The following TRPC7 variants were observed in gnomAD, a reference collection of about 807,000 sequenced individuals.
TRPC7 encodes short transient receptor potential channel 7.
TRPC7 carries 42 observed loss-of-function variants against 90.1 expected under a neutral mutation model. The observed-to-expected ratio is 0.47, with a 90% CI of 0.36 to 0.60. The LOEUF is 0.60. Ranked by LOEUF, TRPC7 falls within the 20% of genes least tolerant of loss-of-function variation. The probability of loss-of-function intolerance (pLI) is 0.00; values close to 1 mark genes in which losing one functional copy is unlikely to be tolerated. For synonymous variants in TRPC7, 451 were observed against 436.3 expected (o/e 1.03, Z -0.42); for missense variants, 955 against 1,112.3 (o/e 0.86, Z 2.01).
intron 2 of TRPC7, among the ~76,000 whole-genome samples, chr5:136,346,238 T>C (rs1472910038): frequency 6.6e-6 from 1 of 152,046 alleles, no homozygotes; most frequent in Admixed American, 6.5e-5. Flanking sequence ...ATAAAATATA[T>C]ATATAAATAA....
intron 2 of TRPC7, among the ~76,000 whole-genome samples, chr5:136,352,254 A>T (rs1265097194): frequency 6.6e-6 from 1 of 152,142 alleles, no homozygotes; most frequent in African/African-American, 2.4e-5. Context: ...ACTCTACAAT[A>T]TTCCCTTGTC....
At chr5:136,268,121 A>C (rs1215463383) in intron 4 of TRPC7, among the ~76,000 whole-genome samples, 1 of 152,256 alleles carries the variant, frequency 6.6e-6, no homozygotes, top group Admixed American at 6.5e-5. Flanking sequence ...TATGATATTA[A>C]ATAGCTAGTT....
chr5:136,253,068 CACTT>C (rs1320989542), intron 5 of TRPC7, among the ~76,000 whole-genome samples: 1 of 152,184 alleles, frequency 6.6e-6, no homozygotes, highest in Non-Finnish European at 1.5e-5. Flanking sequence ...AGATTTCAAA[CACTT>C]ACTATGAAAA....
At chr5:136,350,899 T>C (rs2149857890) in intron 2 of TRPC7, among the ~76,000 whole-genome samples, 1 of 152,314 alleles carries the variant, frequency 6.6e-6, no homozygotes, top group South Asian at 2.1e-4. Context: ...TTAGGGATGG[T>C]ATACAGTCAT....
intron 3 of TRPC7, among the ~76,000 whole-genome samples, chr5:136,280,099 G>T (rs891613161): frequency 1.3e-5 from 2 of 152,184 alleles, no homozygotes; most frequent in Admixed American, 1.3e-4. Context: ...AGCAGAGGCT[G>T]CAGTGAGCCG....
Position 136,359,366 on chromosome 5 carries a change from A to G in TRPC7, c.3-1981T>C, listed in dbSNP as rs115469271. On this transcript the variant is annotated intron_variant, in intron 1 of 11. Coordinates refer to ENST00000513104, the MANE Select transcript of TRPC7 (RefSeq NM_020389.3). ...AGAATAATTATGGGCAACTCCCTCA[A>G]AAGGCAACTGTGGGTGATAAATCCT... Among the ~76,000 whole-genome samples the G allele has an allele frequency of 5.4e-3, 818 of 152,328 alleles. 4 individuals are homozygous for G. The highest frequency in any genetic ancestry group is 0.018 in the African/African-American group (749 of 41,578).
At chr5:136,362,508 C>A (rs1168720653) in intron 1 of TRPC7, among the ~76,000 whole-genome samples, 1 of 152,128 alleles carries the variant, frequency 6.6e-6, no homozygotes, top group Admixed American at 6.5e-5. Flanking sequence ...GTATAGCGAA[C>A]ATGACACATT....
At position 136,325,069 on chromosome 5, in the gene TRPC7, T is replaced by C. The variant is rs550838734; in HGVS notation, c.781-9290A>G. Among the ~76,000 whole-genome samples the C allele has an allele frequency of 3.4e-3, 517 of 152,298 alleles. 1 individual carries two copies. Among genetic ancestry groups the C allele is most frequent in the African/African-American group, 0.011 (476 of 41,560 alleles). The stretch of plus-strand genomic sequence containing the variant: ...CTGCTTTTGACATTTAGGATGAGTT[T>C]TTTTTAAGAAAGAGTTGCACTAACA... On this transcript the variant is annotated intron_variant, in intron 2 of 11. Transcript: ENST00000513104.
intron 4 of TRPC7, among the ~76,000 whole-genome samples, chr5:136,271,355 T>G (rs1436431034): frequency 6.6e-6 from 1 of 152,234 alleles, no homozygotes; most frequent in Non-Finnish European, 1.5e-5. Flanking sequence ...TAATTAAAAC[T>G]GGTGCAGTTC....
chr5:136,226,307 C>G, intron 8 of TRPC7, 52 bp from the exon 9 acceptor site: 1 of 1,357,222 alleles, frequency 7.4e-7, no homozygotes, highest in Non-Finnish European at 1.0e-6. Flanking sequence ...GATTTAACAA[C>G]GGAGCCCAAC....
chr5:136,219,781 T>C (rs1289053190), intron 10 of TRPC7, among the ~76,000 whole-genome samples: 2 of 152,104 alleles, frequency 1.3e-5, no homozygotes, highest in African/African-American at 4.8e-5. Flanking sequence ...CCAAAAAAAC[T>C]TCATGTCCTC....
chr5:136,247,755 G>T lies in TRPC7; in HGVS notation c.1580-20C>A, dbSNP rs1169332870. 20 of 1,605,316 alleles carry T rather than the reference G, an allele frequency of 1.2e-5. No individual in the cohort carries two copies. The highest frequency in any genetic ancestry group is 1.6e-5 in the Non-Finnish European group (19 of 1,174,564). On this transcript the variant is annotated intron_variant, in intron 6 of 11. Coordinates refer to ENST00000513104, the MANE Select transcript of TRPC7 (RefSeq NM_020389.3). This position sits in a 1 kb window ranked among gnomAD's most constrained non-coding sequence, Gnocchi z 4.2. ...CCCTGGCTAAAAGAAAACAATCTGG[G>T]TTACTCACGAGGCCACAGGATCTAT...
intron 2 of TRPC7, among the ~76,000 whole-genome samples, chr5:136,341,111 T>A (rs892020063): frequency 6.6e-5 from 10 of 152,178 alleles, no homozygotes; most frequent in African/African-American, 2.4e-4. Context: ...ACCCAGCGAC[T>A]CCATTTTGGA....
chr5:136,224,121 G>C (rs1334517478), intron 10 of TRPC7, among the ~76,000 whole-genome samples: 3 of 152,192 alleles, frequency 2.0e-5, no homozygotes, highest in South Asian at 2.1e-4. Flanking sequence ...CCTGTGGGAA[G>C]GTGGCACCAG....
At chr5:136,358,186 C>G (rs1760451683) in intron 1 of TRPC7, among the ~76,000 whole-genome samples, 1 of 152,150 alleles carries the variant, frequency 6.6e-6, no homozygotes, top group Non-Finnish European at 1.5e-5. Context: ...CTGAAGCAAC[C>G]CTTCTGAGAG....
At chr5:136,283,874 C>G (rs1351707169) in intron 3 of TRPC7, among the ~76,000 whole-genome samples, 2 of 152,154 alleles carry the variant, frequency 1.3e-5, no homozygotes, top group Non-Finnish European at 2.9e-5. Context: ...TGGGGTGTGC[C>G]TATCAATGGA....
chr5:136,268,407 G>A (rs1580881748), intron 4 of TRPC7, among the ~76,000 whole-genome samples: 2 of 152,180 alleles, frequency 1.3e-5, no homozygotes, highest in African/African-American at 4.8e-5. Flanking sequence ...GTTAGAAAAA[G>A]CTGGGGAACT....
chr5:136,221,183 G>C (rs1755451166), intron 10 of TRPC7, among the ~76,000 whole-genome samples: 1 of 151,936 alleles, frequency 6.6e-6, no homozygotes, highest in Non-Finnish European at 1.5e-5. Flanking sequence ...CTTCCATAGA[G>C]TTCTTTCACT....
intron 5 of TRPC7, among the ~76,000 whole-genome samples, chr5:136,252,769 G>A (rs779630772): frequency 1.3e-5 from 2 of 152,268 alleles, no homozygotes; most frequent in East Asian, 3.9e-4. Flanking sequence ...ATCTAATGCC[G>A]CTGCTGATCT....
Sources: allele counts gnomAD v4.1 joint callset (sites outside exome capture counted in the v4.1 genomes callset), GRCh38; gene constraint gnomAD v4.1.1; non-coding constraint Gnocchi (gnomAD v3.1); transcripts MANE v1.5; gene names NCBI Gene and HGNC (gene_info 2026-07-23, HGNC 2026-07-21).